Variants in NTRK3 observed in about 807,000 individuals in gnomAD.
NTRK3 encodes NT-3 growth factor receptor.
NTRK3 carries 24 observed loss-of-function variants against 91.7 expected under a neutral mutation model. The observed-to-expected ratio is 0.26, with a 90% CI of 0.19 to 0.37. The LOEUF (loss-of-function observed/expected upper bound fraction) is 0.37. Ranked by LOEUF, NTRK3 falls within the 10% of genes least tolerant of loss-of-function variation. NTRK3 has a pLI of 1.00. For synonymous variants in NTRK3, 483 were observed against 404.0 expected (o/e 1.20, Z -2.34); for missense variants, 880 against 1,068.9 (o/e 0.82, Z 2.46).
At chr15:88,206,330 C>T (rs1174210474) in intron 3 of NTRK3, among the ~76,000 whole-genome samples, 1 of 119,002 alleles carries the variant, frequency 8.4e-6, no homozygotes. Flanking sequence ...TGGGCGACAG[C>T]GAGACTCCAT....
chr15:87,902,354 A>G (rs1156355926), intron 17 of NTRK3, among the ~76,000 whole-genome samples: 1 of 152,246 alleles, frequency 6.6e-6, no homozygotes, highest in Non-Finnish European at 1.5e-5. Context: ...ACAAGCCTTC[A>G]CTACTGAACA....
At chr15:87,892,015 AT>A (rs1567076593) in intron 17 of NTRK3, among the ~76,000 whole-genome samples, 1 of 151,518 alleles carries the variant, frequency 6.6e-6, no homozygotes, top group Non-Finnish European at 1.5e-5. Flanking sequence ...TCTCACATGG[AT>A]TTTTTCTAAA....
chr15:87,875,275 G>C, exon 19 of NTRK3: 1 of 229,988 alleles, frequency 4.3e-6, no homozygotes, highest in Non-Finnish European at 8.6e-6. Flanking sequence ...GGGCCCCGTG[G>C]CCTGGGAGGA....
intron 16 of NTRK3, among the ~76,000 whole-genome samples, chr15:87,932,464 G>A (rs1430949236): frequency 2.0e-5 from 3 of 152,164 alleles, no homozygotes. Flanking sequence ...GGTGGACACT[G>A]TACTGTACAG....
chr15:87,992,420 A>G (rs1417594958), intron 14 of NTRK3, among the ~76,000 whole-genome samples: 1 of 151,698 alleles, frequency 6.6e-6, no homozygotes, highest in Non-Finnish European at 1.5e-5. Flanking sequence ...CTCAGACTCC[A>G]CTCTCTGTAT....
intron 18 of NTRK3, among the ~76,000 whole-genome samples, chr15:87,878,273 TAGG>T (rs2065043008): frequency 6.6e-6 from 1 of 152,194 alleles, no homozygotes; most frequent in African/African-American, 2.4e-5. Context: ...TGTATCTAAT[TAGG>T]TAAAAGCACT....
chr15:88,176,319 T>G (rs901141442), intron 5 of NTRK3, among the ~76,000 whole-genome samples: 1 of 152,080 alleles, frequency 6.6e-6, no homozygotes, highest in African/African-American at 2.4e-5. Flanking sequence ...GTATTTTTAG[T>G]AGAGACGGGG....
chr15:88,030,968 G>C (rs922176418), intron 14 of NTRK3, among the ~76,000 whole-genome samples: 1 of 152,080 alleles, frequency 6.6e-6, no homozygotes, highest in Non-Finnish European at 1.5e-5. Flanking sequence ...CCCAAGCATC[G>C]TTCTGAAGTA....
intron 3 of NTRK3, among the ~76,000 whole-genome samples, chr15:88,254,923 AGGAGCAGACTC>A (rs2053851011): frequency 6.6e-6 from 1 of 152,182 alleles, no homozygotes; most frequent in Non-Finnish European, 1.5e-5. Flanking sequence ...GAAAGAAAAG[AGGAGCAGACTC>A]TCCAGTCCCC....
intron 5 of NTRK3, among the ~76,000 whole-genome samples, chr15:88,178,523 TAA>T (rs1472064335): frequency 6.6e-6 from 1 of 152,190 alleles, no homozygotes; most frequent in African/African-American, 2.4e-5. Flanking sequence ...CTCTCCCAGC[TAA>T]AGATTGAGTG....
At chr15:88,096,928 T>G (rs1221802983) in intron 13 of NTRK3, among the ~76,000 whole-genome samples, 1 of 152,234 alleles carries the variant, frequency 6.6e-6, no homozygotes, top group East Asian at 1.9e-4. Context: ...TATCTCAGAG[T>G]TGACTTTTGG....
chr15:88,012,961 C>T (rs1267704880), intron 14 of NTRK3, among the ~76,000 whole-genome samples: 1 of 152,196 alleles, frequency 6.6e-6, no homozygotes, highest in African/African-American at 2.4e-5. Flanking sequence ...CTTGGATAAC[C>T]CCTGACTTCG....
intron 3 of NTRK3, among the ~76,000 whole-genome samples, chr15:88,232,583 G>T (rs1004369939): frequency 1.3e-5 from 2 of 152,086 alleles, no homozygotes; most frequent in Non-Finnish European, 2.9e-5. Flanking sequence ...TTGGTCATTT[G>T]GGCAATTGGC....
chr15:88,121,269 C>T (rs2052674601), intron 13 of NTRK3, among the ~76,000 whole-genome samples: 1 of 152,158 alleles, frequency 6.6e-6, no homozygotes, highest in Admixed American at 6.5e-5. Context: ...GGTTATTGTT[C>T]TAATGACGAC....
chr15:88,212,450 T>C (rs2049336046), intron 3 of NTRK3, among the ~76,000 whole-genome samples: 1 of 152,220 alleles, frequency 6.6e-6, no homozygotes, highest in Non-Finnish European at 1.5e-5. Flanking sequence ...GTGCCCATAG[T>C]GCAGACATTT....
chr15:88,092,507 A>G (rs987718696), intron 13 of NTRK3, among the ~76,000 whole-genome samples: 1 of 152,226 alleles, frequency 6.6e-6, no homozygotes, highest in African/African-American at 2.4e-5. Context: ...TGACTCTCTC[A>G]GAAAAATGTG....
chr15:88,236,651 AAGGG>A (rs2051784207), intron 3 of NTRK3, among the ~76,000 whole-genome samples: 1 of 104,216 alleles, frequency 9.6e-6, no homozygotes, highest in Non-Finnish European at 2.1e-5. Context: ...GGAAGGACGG[AAGGG>A]AGGAAGGGAT....
intron 14 of NTRK3, among the ~76,000 whole-genome samples, chr15:87,965,255 G>A (rs541001505): frequency 1.3e-5 from 2 of 152,274 alleles, no homozygotes; most frequent in South Asian, 4.1e-4. Context: ...ATTTTCTACT[G>A]TGAATATAAA....
chr15:87,891,443 A>G (rs1478166792), intron 17 of NTRK3, among the ~76,000 whole-genome samples: 1 of 152,230 alleles, frequency 6.6e-6, no homozygotes, highest in Non-Finnish European at 1.5e-5. Flanking sequence ...AGTCAAAACC[A>G]CAAAACAAGG....
Sources: gnomAD v4.1 joint callset for allele counts (sites outside exome capture counted in the v4.1 genomes callset) on GRCh38, gnomAD v4.1.1 for gene constraint, MANE v1.5 for transcripts, NCBI Gene and HGNC (gene_info 2026-07-23, HGNC 2026-07-21) for gene names.